The following KSR2 variants were observed in gnomAD, a reference collection of about 807,000 sequenced individuals.
KSR2 encodes kinase suppressor of ras 2.
KSR2 carries 25 observed loss-of-function variants against 107.8 expected under a neutral mutation model. That is an observed-to-expected ratio of 0.23 (90% CI 0.17 to 0.32). The LOEUF (loss-of-function observed/expected upper bound fraction) is 0.32, where lower values mean the gene tolerates loss of function less well. Among genes scored for constraint, KSR2 ranks in the 10% least tolerant of loss-of-function variants. The pLI is 1.00. For synonymous variants in KSR2, 480 were observed against 507.0 expected, an observed-to-expected ratio of 0.95 and a Z score of 0.71; for missense variants, 887 against 1,268.9, an observed-to-expected ratio of 0.70 and a Z score of 4.57.
intron 14 of KSR2, among the ~76,000 whole-genome samples, chr12:117,487,597 C>CT (rs1872534015): frequency 6.6e-6 from 1 of 152,174 alleles, no homozygotes; most frequent in Non-Finnish European, 1.5e-5. Context: ...AGTCCCTCCC[C>CT]TGGGTACTTA....
At chr12:117,757,183 C>T (rs1888827815) in intron 4 of KSR2, among the ~76,000 whole-genome samples, 1 of 152,100 alleles carries the variant, frequency 6.6e-6, no homozygotes, top group African/African-American at 2.4e-5. Flanking sequence ...GATTCCAACC[C>T]TCATGGATGA....
intron 14 of KSR2, among the ~76,000 whole-genome samples, chr12:117,523,863 T>C (rs749565652): frequency 6.6e-6 from 1 of 152,090 alleles, no homozygotes; most frequent in Non-Finnish European, 1.5e-5. Context: ...TCTCAGCTAC[T>C]TAGGTGGCTG....
At chr12:117,882,459 A>G (rs763501252) in intron 1 of KSR2, among the ~76,000 whole-genome samples, 4 of 152,180 alleles carry the variant, frequency 2.6e-5, no homozygotes, top group Non-Finnish European at 4.4e-5. Context: ...TAACCCTGGA[A>G]TTTTATGGTT....
chr12:117,573,573 G>A, intron 7 of KSR2, among the ~76,000 whole-genome samples: 1 of 145,122 alleles, frequency 6.9e-6, no homozygotes, highest in South Asian at 2.2e-4. Context: ...TGTCACCCAG[G>A]CTGGAGTGCA....
chr12:117,524,193 T>A (rs1407225189), intron 14 of KSR2, among the ~76,000 whole-genome samples: 4 of 152,064 alleles, frequency 2.6e-5, no homozygotes, highest in African/African-American at 9.7e-5. Context: ...TTGGGCCCCT[T>A]ACAAAAAAAA....
At chr12:117,669,800 T>G (rs953953408) in intron 4 of KSR2, among the ~76,000 whole-genome samples, 6 of 152,022 alleles carry the variant, frequency 3.9e-5, no homozygotes, top group Admixed American at 6.6e-5. Context: ...ACCAGGAGTT[T>G]GAGGCTGTAG....
At chr12:117,782,178 G>A (rs2136947286) in intron 3 of KSR2, among the ~76,000 whole-genome samples, 1 of 152,314 alleles carries the variant, frequency 6.6e-6, no homozygotes, top group Admixed American at 6.5e-5. Context: ...CTGGCCAATA[G>A]TATCTGGACC....
intron 1 of KSR2, among the ~76,000 whole-genome samples, chr12:117,895,085 G>T (rs932397228): frequency 2.6e-5 from 4 of 151,634 alleles, no homozygotes; most frequent in Non-Finnish European, 5.9e-5. Flanking sequence ...AAAAAAATTA[G>T]CCAGGTGTGG....
At chr12:117,566,093 AT>A (rs34703705) in intron 7 of KSR2, among the ~76,000 whole-genome samples, 29,804 of 150,128 alleles carry the variant, frequency 0.2, 3,373 homozygotes, top group Middle Eastern at 0.34. Context: ...CCCAGTAGTT[AT>A]TTTTTTTTTT....
intron 3 of KSR2, among the ~76,000 whole-genome samples, chr12:117,784,598 T>C (rs1889999557): frequency 6.6e-6 from 1 of 152,196 alleles, no homozygotes; most frequent in African/African-American, 2.4e-5. Flanking sequence ...GTGTCTGCTA[T>C]TTGCATCATC....
intron 5 of KSR2, among the ~76,000 whole-genome samples, chr12:117,583,196 A>G (rs1879774770): frequency 6.8e-6 from 1 of 147,428 alleles, no homozygotes; most frequent in Admixed American, 6.7e-5. Context: ...TGGGTGGGTA[A>G]GTGGATGGAT....
chr12:117,846,795 G>A (rs1203362859), intron 3 of KSR2, among the ~76,000 whole-genome samples: 1 of 152,216 alleles, frequency 6.6e-6, no homozygotes, highest in Non-Finnish European at 1.5e-5. Context: ...TTTATTTAAT[G>A]AATATAAGTT....
intron 7 of KSR2, among the ~76,000 whole-genome samples, chr12:117,573,140 A>C (rs1879011241): frequency 6.6e-6 from 1 of 152,214 alleles, no homozygotes; most frequent in Non-Finnish European, 1.5e-5. Context: ...GAATGCCAAC[A>C]AGACAGCTAA....
chr12:117,678,875 C>T (rs560834129), intron 4 of KSR2, among the ~76,000 whole-genome samples: 65 of 152,266 alleles, frequency 4.3e-4, no homozygotes, highest in African/African-American at 1.5e-3. Context: ...GGGCCTGTCT[C>T]CTCATTTCTC....
Position 117,585,071 on chromosome 12 carries a change from C to T in KSR2, c.1172-2712G>A, listed in dbSNP as rs187506473. Among the ~76,000 whole-genome samples the T allele has an allele frequency of 4.6e-5, 7 of 151,822 alleles. No individual in the cohort carries two copies. The East Asian group carries it at 7.7e-4, about 17-fold the overall frequency. ...CTGTGTGTGTCTGTGTGTGTGTGTG[C>T]GTGTGTGTGTGTTACCAGCATCTGG... is the stretch of plus-strand genomic sequence containing the variant. On this transcript the variant is annotated intron_variant, in intron 5 of 19. Coordinates refer to ENST00000339824, the MANE Select transcript of KSR2 (RefSeq NM_173598.6).
intron 4 of KSR2, among the ~76,000 whole-genome samples, chr12:117,724,813 A>G (rs1887351888): frequency 6.6e-6 from 1 of 151,884 alleles, no homozygotes; most frequent in Admixed American, 6.6e-5. Flanking sequence ...CTCATTAGAA[A>G]AGAAGAAGTA....
At chr12:117,595,351 CTTTTT>C (rs71099060) in intron 5 of KSR2, among the ~76,000 whole-genome samples, 7 of 94,588 alleles carry the variant, frequency 7.4e-5, no homozygotes, top group Admixed American at 1.5e-4. Context: ...AGATCAAATT[CTTTTT>C]TTTTTTTTTT....
chr12:117,735,616 C>T (rs772177281), intron 4 of KSR2, among the ~76,000 whole-genome samples: 5 of 152,094 alleles, frequency 3.3e-5, no homozygotes, highest in East Asian at 1.9e-4. Context: ...ACCAGTGTCA[C>T]GCAAAATGTA....
intron 14 of KSR2, 28 bp downstream of exon 14, chr12:117,524,822 TCC>T (rs1189830549): frequency 6.4e-7 from 1 of 1,572,440 alleles, no homozygotes. Flanking sequence ...GTTTTGCCAA[TCC>T]CTGGGTAGAA....
Sources: gnomAD v4.1 joint callset for allele counts (sites outside exome capture counted in the v4.1 genomes callset) on GRCh38, gnomAD v4.1.1 for gene constraint, MANE v1.5 for transcripts, NCBI Gene and HGNC (gene_info 2026-07-23, HGNC 2026-07-21) for gene names.